The following ASAP1 variants were observed in gnomAD, a reference collection of about 807,000 sequenced individuals.
ASAP1 encodes arf-GAP with SH3 domain, ANK repeat and PH domain-containing protein 1.
Under a neutral mutation model 145.2 loss-of-function variants are expected in ASAP1, and 43 were observed. That is an observed-to-expected ratio of 0.30 (90% confidence interval 0.23 to 0.38). The LOEUF (loss-of-function observed/expected upper bound fraction) is 0.38, where lower values mean the gene tolerates loss of function less well. Ranked by LOEUF, ASAP1 falls within the 10% of genes least tolerant of loss-of-function variation. The pLI is 1.00. For synonymous variants in ASAP1, 546 were observed against 515.5 expected (o/e 1.06, Z -0.80); for missense variants, 1,018 against 1,355.3 (o/e 0.75, Z 3.91).
chr8:130,377,433 G>T (rs751277744), intron 2 of ASAP1, among the ~76,000 whole-genome samples: 3 of 152,180 alleles, frequency 2.0e-5, no homozygotes, highest in African/African-American at 7.2e-5. Context: ...TGCAGAAGGG[G>T]TGTTTTGTAC....
At chr8:130,291,568 T>C (rs1162865065) in intron 3 of ASAP1, among the ~76,000 whole-genome samples, 1 of 151,678 alleles carries the variant, frequency 6.6e-6, no homozygotes, top group Non-Finnish European at 1.5e-5. Context: ...AGAAGAGAGA[T>C]GAGGGGAGGA....
chr8:130,275,606 T>C (rs952190737), intron 3 of ASAP1, among the ~76,000 whole-genome samples: 2 of 152,154 alleles, frequency 1.3e-5, no homozygotes, highest in African/African-American at 4.8e-5. Context: ...CGTTCAAATT[T>C]TACTGGCAGG....
At chr8:130,153,359 G>GTATA (rs1208128915) in intron 12 of ASAP1, among the ~76,000 whole-genome samples, 1,307 of 28,816 alleles carry the variant, frequency 0.045, 22 homozygotes, top group Non-Finnish European at 0.064. Flanking sequence ...ATATATATAT[G>GTATA]TATATATATA....
chr8:130,274,588 C>T (rs950969407), intron 3 of ASAP1, among the ~76,000 whole-genome samples: 3 of 152,230 alleles, frequency 2.0e-5, no homozygotes, highest in East Asian at 3.8e-4. Flanking sequence ...CTCTGCCTCT[C>T]TTCTCACTAT....
rs942897276 is a variant in ASAP1 at position 130,439,210 on chromosome 8, T to C, written c.-28+4250A>G. ...AAGAAGGAAACCACAAGCCAAGATA[T>C]GCAAGTGGCCTCCTGATACTGGAAA... On this transcript the variant is annotated intron_variant, in intron 1 of 29. Transcript: ENST00000518721. Among the ~76,000 whole-genome samples the C allele has an allele frequency of 2.0e-5, 3 of 152,220 alleles. No individual in the cohort carries two copies. In the Middle Eastern group the frequency reaches 0.01, roughly 518 times the overall value.
chr8:130,290,598 C>A (rs935213795), intron 3 of ASAP1, among the ~76,000 whole-genome samples: 1 of 152,182 alleles, frequency 6.6e-6, no homozygotes, highest in Non-Finnish European at 1.5e-5. Context: ...TAAATCCTTC[C>A]AGCCTTCCCT....
intron 13 of ASAP1, among the ~76,000 whole-genome samples, chr8:130,137,696 G>GGA (rs1211398030): frequency 6.6e-6 from 1 of 152,096 alleles, no homozygotes; most frequent in East Asian, 1.9e-4. Context: ...CAATATCTGG[G>GGA]GAGAGAGAAA....
Position 130,226,245 on chromosome 8 carries a change from T to C in ASAP1, c.259+10677A>G, listed in dbSNP as rs146603317. On this transcript the variant is annotated intron_variant, in intron 4 of 29. Transcript: ENST00000518721. ...CAATCCAAAAACTTAGTGCCACCTG[T>C]CCTGTGACCCGGAAAATAATTTGTT... Among the ~76,000 whole-genome samples, 11 of 152,232 alleles carry C rather than the reference T, an allele frequency of 7.2e-5. No homozygotes were observed. In the East Asian group the frequency reaches 2.1e-3, roughly 29 times the overall value.
At chr8:130,317,079 A>C (rs1586817922) in intron 3 of ASAP1, among the ~76,000 whole-genome samples, 1 of 136,310 alleles carries the variant, frequency 7.3e-6, no homozygotes. Flanking sequence ...TTTTAGTTTC[A>C]CATCATGCTT....
chr8:130,058,220 G>A (rs1249588151), intron 28 of ASAP1, 144 bp from the exon 29 acceptor site: 11 of 872,888 alleles, frequency 1.3e-5, no homozygotes, highest in Non-Finnish European at 2.0e-5. Context: ...GCGGGAAGAA[G>A]AGTGTCTGTC....
chr8:130,281,705 A>G (rs1821256135), intron 3 of ASAP1, among the ~76,000 whole-genome samples: 5 of 152,210 alleles, frequency 3.3e-5, no homozygotes, highest in Admixed American at 3.3e-4. Flanking sequence ...ATGTGAACTC[A>G]TTTTCCTCTA....
chr8:130,358,244 G>A lies in ASAP1; in HGVS notation c.60-101C>T, dbSNP rs528584168. 5.0e-5 allele frequency: 46 copies of A among 924,174 alleles called. No individual in the cohort carries two copies. In the East Asian group the frequency reaches 1.8e-3, roughly 37 times the overall value. The allele number at this position is 924,174 out of a possible 1,614,324, so 57.2% of individuals were successfully genotyped here. Reference sequence around the variant, plus strand: ...GGAGGCTCATGAACCCCGGCGCGCAGCCCGCCACCCGCCGCCCGGCCTGGC... The same window carrying A: ...GGAGGCTCATGAACCCCGGCGCGCAACCCGCCACCCGCCGCCCGGCCTGGC... On this transcript the variant is annotated intron_variant, in intron 2 of 29. Coordinates refer to ENST00000518721, the MANE Select transcript of ASAP1 (RefSeq NM_018482.4). The surrounding 1 kb of genome is among the most constrained non-coding windows in gnomAD (Gnocchi z 4.1).
chr8:130,382,522 G>C (rs1827829342), intron 2 of ASAP1, among the ~76,000 whole-genome samples: 3 of 152,162 alleles, frequency 2.0e-5, no homozygotes, highest in Non-Finnish European at 4.4e-5. Context: ...GCACTGTCAT[G>C]TATTCTCATT....
At chr8:130,334,237 G>A (rs552689048) in intron 3 of ASAP1, among the ~76,000 whole-genome samples, 30 of 152,180 alleles carry the variant, frequency 2.0e-4, no homozygotes, top group African/African-American at 7.2e-4. Flanking sequence ...ATATAAAGAG[G>A]TACTCTTTGA....
Position 130,052,110 on chromosome 8 carries a change from A to T in ASAP1, c.*2621T>A, listed in dbSNP as rs967110462. On this transcript the variant is annotated 3_prime_UTR_variant, in exon 30 of 30. Coordinates refer to ENST00000518721, the MANE Select transcript of ASAP1 (RefSeq NM_018482.4). Reference sequence around the variant, plus strand: ...AATGGCCTGATTTCAGAAGTTTGGGATCAACTGAGAATATGTTTATTTAAA... The same window carrying T: ...AATGGCCTGATTTCAGAAGTTTGGGTTCAACTGAGAATATGTTTATTTAAA... 1 of 152,710 alleles carries T rather than the reference A, an allele frequency of 6.5e-6. No homozygotes were observed. The highest frequency in any genetic ancestry group is 1.5e-5 in the Non-Finnish European group (1 of 68,054). 9.5% of individuals were successfully genotyped at this position (152,710 alleles called of 1,614,324 possible).
Position 130,306,789 on chromosome 8 carries a change from A to G in ASAP1, c.186+51228T>C, listed in dbSNP as rs141488729. ...CAATGCTCGGACCATGTAACTTAAC[A>G]TGTATTTGTATTCCCCATCTCTCTG... On this transcript the variant is annotated intron_variant, in intron 3 of 29. Transcript: ENST00000518721. 5.0e-3 allele frequency among the ~76,000 whole-genome samples: 765 copies of G among 152,320 alleles called. 6 individuals carry two copies. The highest frequency in any genetic ancestry group is 0.017 in the African/African-American group (727 of 41,568).
chr8:130,261,783 G>A (rs145106932), intron 3 of ASAP1, among the ~76,000 whole-genome samples: 19 of 152,168 alleles, frequency 1.2e-4, no homozygotes, highest in African/African-American at 3.4e-4. Context: ...AAGGGACCTG[G>A]GGCGGAGAGA....
At chr8:130,265,876 T>TC (rs1471322809) in intron 3 of ASAP1, among the ~76,000 whole-genome samples, 2 of 151,906 alleles carry the variant, frequency 1.3e-5, no homozygotes, top group Non-Finnish European at 2.9e-5. Context: ...TGAAACTGTC[T>TC]CCCCCGAAAA....
intron 2 of ASAP1, among the ~76,000 whole-genome samples, chr8:130,397,712 T>C (rs1828597687): frequency 6.6e-6 from 1 of 152,206 alleles, no homozygotes; most frequent in Admixed American, 6.5e-5. Flanking sequence ...TGTGGGAACT[T>C]TTCCCCCATC....
Sources: gnomAD v4.1 joint callset for allele counts (sites outside exome capture counted in the v4.1 genomes callset) on GRCh38, gnomAD v4.1.1 for gene constraint, Gnocchi (gnomAD v3.1) non-coding constraint, MANE v1.5 for transcripts, NCBI Gene and HGNC (gene_info 2026-07-23, HGNC 2026-07-21) for gene names.